ANK2: variants seen among roughly 807,000 people sequenced by gnomAD.
ANK2 encodes ankyrin 2.
ANK2 carries 83 observed loss-of-function variants against 360.5 expected under a neutral mutation model. The observed-to-expected ratio is 0.23, with a 90% CI of 0.19 to 0.28. ANK2 has a LOEUF of 0.28. Among genes scored for constraint, ANK2 ranks in the 10% least tolerant of loss-of-function variants. The pLI, the probability that ANK2 is intolerant of heterozygous loss-of-function variation, is 1.00. For missense variants in ANK2, 4,201 were observed against 4,795.7 expected, an observed-to-expected ratio of 0.88 and a Z score of 3.66; for synonymous variants, 1,740 against 1,759.5, an observed-to-expected ratio of 0.99 and a Z score of 0.28.
At chr4:112,933,998 A>G (rs2093503904) in intron 2 of ANK2, among the ~76,000 whole-genome samples, 2 of 152,032 alleles carry the variant, frequency 1.3e-5, no homozygotes, top group Non-Finnish European at 2.9e-5. Flanking sequence ...GTCATGTGAG[A>G]ATGGTTAAAG....
intron 1 of ANK2, among the ~76,000 whole-genome samples, chr4:112,872,109 C>A (rs1275019323): frequency 6.6e-6 from 1 of 151,646 alleles, no homozygotes; most frequent in Non-Finnish European, 1.5e-5. Context: ...TCACTGTAGC[C>A]TTGACCTCCC....
At chr4:112,788,363 C>T in the ANK2 span, 3 of 1,555,612 alleles carry the variant, frequency 1.9e-6, no homozygotes, top group Non-Finnish European at 8.7e-7. Flanking sequence ...CATTTTACGA[C>T]ATAGGGCAGG....
upstream of ANK2, among the ~76,000 whole-genome samples, chr4:112,813,551 A>ATTTATTTT (rs56052814): frequency 0.034 from 4,787 of 142,806 alleles, 710 homozygotes; most frequent in African/African-American, 0.12. Flanking sequence ...TTATTTATTT[A>ATTTATTTT]TTGAGACAGG....
chr4:113,048,267 T>G (rs1204937343), upstream of ANK2, among the ~76,000 whole-genome samples: 5 of 94,226 alleles, frequency 5.3e-5, no homozygotes, highest in Admixed American at 1.1e-4. Flanking sequence ...TATATATATA[T>G]ATATATATAT....
intron 4 of ANK2, among the ~76,000 whole-genome samples, chr4:113,200,211 C>G (rs531427961): frequency 6.6e-6 from 1 of 152,164 alleles, no homozygotes; most frequent in East Asian, 1.9e-4. Flanking sequence ...TAGTCTAAAA[C>G]CCTTATTAGA....
chr4:113,254,566 G>T (rs915006755), intron 10 of ANK2, among the ~76,000 whole-genome samples: 1 of 152,056 alleles, frequency 6.6e-6, no homozygotes, highest in African/African-American at 2.4e-5. Flanking sequence ...CTTCTCATCA[G>T]CCTGTTGCTG....
chr4:113,327,644 A>C (rs568725387), intron 26 of ANK2, among the ~76,000 whole-genome samples: 1 of 152,346 alleles, frequency 6.6e-6, no homozygotes, highest in South Asian at 2.1e-4. Context: ...GTTCACTGTT[A>C]TTATGGCACT....
At chr4:112,819,054 T>C (rs970607599) in intron 1 of ANK2, among the ~76,000 whole-genome samples, 2 of 152,356 alleles carry the variant, frequency 1.3e-5, no homozygotes, top group South Asian at 2.1e-4. Flanking sequence ...CCCACACTCA[T>C]GCATCAGGAA....
chr4:113,162,132 C>T (rs1301390768), intron 1 of ANK2, among the ~76,000 whole-genome samples: 4 of 152,284 alleles, frequency 2.6e-5, no homozygotes, highest in Admixed American at 6.5e-5. Context: ...TTATTACACG[C>T]AAAAGCTAGA....
chr4:113,151,035 T>C, intron 1 of ANK2: 1 of 1,255,834 alleles, frequency 8.0e-7, no homozygotes, highest in Non-Finnish European at 1.0e-6. Flanking sequence ...GACTAGGAAA[T>C]CACCCAAAGT....
At chr4:113,323,637 A>T in intron 26 of ANK2, 3 of 919,588 alleles carry the variant, frequency 3.3e-6, no homozygotes, top group Non-Finnish European at 4.7e-6. Flanking sequence ...TCTCATTTGG[A>T]TTTCCATTTG....
intron 2 of ANK2, among the ~76,000 whole-genome samples, chr4:113,044,411 C>G (rs1029908743): frequency 6.6e-6 from 1 of 152,168 alleles, no homozygotes; most frequent in Non-Finnish European, 1.5e-5. Context: ...ACACTTCCAC[C>G]TACATTCTAC....
chr4:113,289,215 C>CTTT (rs33910138), intron 20 of ANK2, among the ~76,000 whole-genome samples: 8 of 132,292 alleles, frequency 6.0e-5, no homozygotes, highest in Admixed American at 1.6e-4. Context: ...ATTTCTTTTT[C>CTTT]TTTTTTTTTT....
chr4:112,871,468 T>C (rs2073019883), intron 1 of ANK2, among the ~76,000 whole-genome samples: 1 of 152,246 alleles, frequency 6.6e-6, no homozygotes, highest in Non-Finnish European at 1.5e-5. Flanking sequence ...ATTACAGGCA[T>C]GAGCCACCAC....
intron 26 of ANK2, among the ~76,000 whole-genome samples, chr4:113,326,975 G>A (rs896493399): frequency 6.6e-6 from 1 of 152,114 alleles, no homozygotes; most frequent in Admixed American, 6.5e-5. Context: ...CTACACTCCA[G>A]CCTGGGTAAT....
chr4:113,003,087 G>T (rs535513522), intron 2 of ANK2, among the ~76,000 whole-genome samples: 2 of 152,236 alleles, frequency 1.3e-5, no homozygotes, highest in South Asian at 2.1e-4. Context: ...TTAGAGACCT[G>T]TGTGTTTTAT....
chr4:112,906,437 G>T (rs1020845853), intron 2 of ANK2, among the ~76,000 whole-genome samples: 1 of 152,190 alleles, frequency 6.6e-6, no homozygotes, highest in Admixed American at 6.5e-5. Flanking sequence ...CCAGCGTCTG[G>T]ATAGGGAAGT....
chr4:113,256,069 A>G, intron 11 of ANK2, 137 bp downstream of exon 11: 1 of 1,068,942 alleles, frequency 9.4e-7, no homozygotes, highest in South Asian at 1.3e-5. Context: ...ATCCTTCACA[A>G]TCAGCCTGTG....
the ANK2 span, among the ~76,000 whole-genome samples, chr4:112,754,330 G>A: frequency 0.023 from 3,463 of 150,790 alleles, 118 homozygotes; most frequent in African/African-American, 0.078. Context: ...TCTGGGCCCC[G>A]GTTTCCTTTT....
Sources: allele counts gnomAD v4.1 joint callset (sites outside exome capture counted in the v4.1 genomes callset), GRCh38; gene constraint gnomAD v4.1.1; transcripts MANE v1.5; gene names NCBI Gene and HGNC (gene_info 2026-07-23, HGNC 2026-07-21).